Variants in DCLK1 observed in about 807,000 individuals in gnomAD.
DCLK1 encodes the protein doublecortin like kinase 1.
In DCLK1, 16 loss-of-function variants were observed where a neutral mutation model predicts 86.2. The observed-to-expected ratio is 0.19, with a 90% confidence interval of 0.13 to 0.28. The LOEUF (loss-of-function observed/expected upper bound fraction) is 0.28. Among genes scored for constraint, DCLK1 ranks in the 10% least tolerant of loss-of-function variants. The pLI is 1.00. For missense variants in DCLK1, 590 were observed against 940.2 expected, an observed-to-expected ratio of 0.63 and a Z score of 4.87; for synonymous variants, 369 against 370.5, an observed-to-expected ratio of 1.00 and a Z score of 0.05.
chr13:35,834,030 GAC>G, intron 8 of DCLK1, among the ~76,000 whole-genome samples: 1 of 152,278 alleles, frequency 6.6e-6, no homozygotes, highest in African/African-American at 2.4e-5. Context: ...GTTGGACCAA[GAC>G]ACCAGCCCAA....
At chr13:35,796,956 T>C (rs1452290594) in intron 15 of DCLK1, among the ~76,000 whole-genome samples, 1 of 152,220 alleles carries the variant, frequency 6.6e-6, no homozygotes, top group Non-Finnish European at 1.5e-5. Context: ...AAAGAGACGC[T>C]GAGCATTTCA....
chr13:35,864,708 A>G (rs1388641001), intron 5 of DCLK1, among the ~76,000 whole-genome samples: 1 of 140,580 alleles, frequency 7.1e-6, no homozygotes, highest in Non-Finnish European at 1.5e-5. Context: ...GCTGGAGTGC[A>G]GTGGTGTGAT....
In DCLK1 at chr13:35,918,892, G is replaced by GTTTTTTTGTTTTTTT. The variant is rs1555350028; in HGVS notation, c.823+28465_823+28466insAAAAAAACAAAAAAA. Reference sequence around the variant, plus strand: ...AAAAAGAAATCTTCCTTCTGAGTGTGTTTTTTTTTTTTTTTTTGGAAACGG... The same window carrying GTTTTTTTGTTTTTTT: ...AAAAAGAAATCTTCCTTCTGAGTGTGTTTTTTTGTTTTTTTTTTTTTTTTTTTTTTTTGGAAACGG... On this transcript the variant is annotated intron_variant, in intron 4 of 16. Transcript: ENST00000360631. 1.0e-4 allele frequency among the ~76,000 whole-genome samples: 8 copies of GTTTTTTTGTTTTTTT among 76,322 alleles called. 2 individuals are homozygous for GTTTTTTTGTTTTTTT. The Admixed American group carries it at 1.2e-3, about 11-fold the overall frequency. The allele number at this position is 76,322 out of a possible 152,430, so 50.1% of individuals were successfully genotyped here.
chr13:36,059,731 A>T (rs1217593706), intron 3 of DCLK1, among the ~76,000 whole-genome samples: 1 of 152,158 alleles, frequency 6.6e-6, no homozygotes, highest in Non-Finnish European at 1.5e-5. Context: ...AGTAGTTGGA[A>T]TAAAAGAAAA....
chr13:35,839,846 TGA>T (rs1303211212), intron 6 of DCLK1, among the ~76,000 whole-genome samples: 3 of 152,338 alleles, frequency 2.0e-5, no homozygotes, highest in African/African-American at 7.2e-5. Context: ...AACAACTGTA[TGA>T]GAGAGCTCAG....
intron 3 of DCLK1, among the ~76,000 whole-genome samples, chr13:35,982,024 T>A (rs1323308734): frequency 6.6e-6 from 1 of 152,204 alleles, no homozygotes; most frequent in African/African-American, 2.4e-5. Flanking sequence ...TGTATTTTTT[T>A]AAACTCTTCC....
At chr13:35,901,332 C>CA (rs949957865) in intron 4 of DCLK1, among the ~76,000 whole-genome samples, 1 of 150,682 alleles carries the variant, frequency 6.6e-6, no homozygotes, top group African/African-American at 2.4e-5. Flanking sequence ...ACTAAAAATA[C>CA]AAAAAAAATT....
At chr13:35,971,346 A>G (rs1879048718) in intron 3 of DCLK1, among the ~76,000 whole-genome samples, 1 of 152,198 alleles carries the variant, frequency 6.6e-6, no homozygotes, top group Non-Finnish European at 1.5e-5. Flanking sequence ...GGAACAACAC[A>G]TGCATGCTAG....
intron 3 of DCLK1, among the ~76,000 whole-genome samples, chr13:35,958,093 C>CCACCAT (rs1356329415): frequency 6.7e-6 from 1 of 149,634 alleles, no homozygotes; most frequent in Non-Finnish European, 1.5e-5. Context: ...ATAACCATCA[C>CCACCAT]CACCGCTATA....
chr13:35,910,888 T>C (rs1417706509), intron 4 of DCLK1, among the ~76,000 whole-genome samples: 1 of 152,196 alleles, frequency 6.6e-6, no homozygotes, highest in African/African-American at 2.4e-5. Flanking sequence ...CAATGATGCA[T>C]AATTGGCCGA....
Position 35,768,766 on chromosome 13 carries a change from A to G in DCLK1, c.*5769T>C, listed in dbSNP as rs1358533619. The G allele has an allele frequency of 6.6e-6, 1 of 152,256 alleles. No homozygotes were observed. The highest frequency in any genetic ancestry group is 1.5e-5 in the Non-Finnish European group (1 of 68,044). The allele number at this position is 152,256 out of a possible 1,614,324, so 9.4% of individuals were successfully genotyped here. A position where few individuals can be genotyped will look rare whatever the true frequency, so the allele number is the denominator to read the frequency against. On this transcript the variant is annotated 3_prime_UTR_variant, in exon 17 of 17. Transcript: ENST00000360631. ...TTTTTGAATTATGCTCATGAAATAC[A>G]CACTGTGCTATGGAGGACATGTGGG...
At chr13:36,006,374 A>G (rs1455196729) in intron 3 of DCLK1, among the ~76,000 whole-genome samples, 1 of 152,224 alleles carries the variant, frequency 6.6e-6, no homozygotes, top group Non-Finnish European at 1.5e-5. Context: ...TGGGAAGAGA[A>G]ACAAGAAAGG....
chr13:35,790,620 C>A (rs1188882715), intron 16 of DCLK1, among the ~76,000 whole-genome samples: 1 of 152,008 alleles, frequency 6.6e-6, no homozygotes, highest in Non-Finnish European at 1.5e-5. Flanking sequence ...ATGCTGAAAC[C>A]AGTTTTTGTA....
intron 3 of DCLK1, among the ~76,000 whole-genome samples, chr13:36,016,323 T>G (rs12100336): frequency 0.01 from 1,593 of 152,284 alleles, 29 homozygotes; most frequent in African/African-American, 0.037. Context: ...AATACAAACT[T>G]TCTGTATTTC....
chr13:35,893,978 C>G (rs576351184), intron 4 of DCLK1, among the ~76,000 whole-genome samples: 1 of 152,238 alleles, frequency 6.6e-6, no homozygotes, highest in African/African-American at 2.4e-5. Flanking sequence ...CATACATGAA[C>G]TTTGTATCAT....
At chr13:35,850,573 G>A in intron 6 of DCLK1, 1 of 1,262,832 alleles carries the variant, frequency 7.9e-7, no homozygotes, top group Non-Finnish European at 1.0e-6. Flanking sequence ...AAAACAAAAT[G>A]CATACATATT....
At chr13:36,129,413 T>C (rs188521557) in intron 1 of DCLK1, among the ~76,000 whole-genome samples, 1 of 152,312 alleles carries the variant, frequency 6.6e-6, no homozygotes, top group Admixed American at 6.5e-5. Context: ...ACCTTTTACT[T>C]CCCTTCCCTG....
At chr13:35,801,584 G>C (rs564897335) in intron 15 of DCLK1, among the ~76,000 whole-genome samples, 42 of 152,036 alleles carry the variant, frequency 2.8e-4, no homozygotes, top group South Asian at 8.3e-4. Context: ...TAGGAAATCA[G>C]AGAGGAAAAA....
intron 4 of DCLK1, among the ~76,000 whole-genome samples, chr13:35,940,668 T>C (rs1234128744): frequency 6.6e-6 from 1 of 152,182 alleles, no homozygotes; most frequent in African/African-American, 2.4e-5. Context: ...GAAGTCTGAT[T>C]GGTTCTTCTA....
Sources: allele counts gnomAD v4.1 joint callset (sites outside exome capture counted in the v4.1 genomes callset), GRCh38; gene constraint gnomAD v4.1.1; transcripts MANE v1.5; gene names NCBI Gene and HGNC (gene_info 2026-07-23, HGNC 2026-07-21).